Variants in ZNF385B observed in about 807,000 individuals in gnomAD.
ZNF385B encodes the protein zinc finger protein 385B, also known as zinc finger protein 533.
Under a neutral mutation model 39.2 loss-of-function variants are expected in ZNF385B, and 23 were observed. The observed-to-expected ratio is 0.59, with a 90% confidence interval of 0.42 to 0.83. The LOEUF is 0.83. ZNF385B is among the 40% of genes least tolerant of loss of function. The probability of loss-of-function intolerance (pLI) is 0.00; values close to 1 mark genes in which losing one functional copy is unlikely to be tolerated. For synonymous variants in ZNF385B, 205 were observed against 222.6 expected, an observed-to-expected ratio of 0.92 and a Z score of 0.70; for missense variants, 552 against 598.9, an observed-to-expected ratio of 0.92 and a Z score of 0.82.
intron 3 of ZNF385B, among the ~76,000 whole-genome samples, chr2:179,752,269 A>AT (rs1425807300): frequency 6.6e-6 from 1 of 152,142 alleles, no homozygotes. Flanking sequence ...TGAACTCATC[A>AT]TTTTTTATGG....
chr2:179,768,881 C>G (rs1275874271), intron 3 of ZNF385B, among the ~76,000 whole-genome samples: 10 of 152,180 alleles, frequency 6.6e-5, no homozygotes, highest in Admixed American at 5.9e-4. Flanking sequence ...CTGCTTCTAT[C>G]CAGCCCACAA....
intron 3 of ZNF385B, among the ~76,000 whole-genome samples, chr2:179,609,945 T>C (rs1248416450): frequency 6.6e-6 from 1 of 152,218 alleles, no homozygotes; most frequent in Non-Finnish European, 1.5e-5. Flanking sequence ...GAGTTCCATA[T>C]ATATTCTGGT....
Position 179,495,666 on chromosome 2 carries a change from C to T in ZNF385B, c.553-12232G>A, listed in dbSNP as rs181584031. Among the ~76,000 whole-genome samples the T allele has an allele frequency of 3.1e-3, 473 of 152,146 alleles. 4 individuals carry two copies. Among genetic ancestry groups the T allele is most frequent in the Middle Eastern group, 0.01 (3 of 294 alleles). Reference sequence around the variant, plus strand: ...TAGGTGGTTTAGAATGGAGAGAGACCCTATATGTTTGGGAGAAATTAAGGG... The same window carrying T: ...TAGGTGGTTTAGAATGGAGAGAGACTCTATATGTTTGGGAGAAATTAAGGG... On this transcript the variant is annotated intron_variant, in intron 5 of 9. Coordinates refer to ENST00000410066, the MANE Select transcript of ZNF385B (RefSeq NM_152520.6).
intron 3 of ZNF385B, among the ~76,000 whole-genome samples, chr2:179,664,539 A>G (rs1694906814): frequency 6.6e-6 from 1 of 152,212 alleles, no homozygotes; most frequent in African/African-American, 2.4e-5. Flanking sequence ...GAAGAGAAAA[A>G]TAAAGAACAA....
At chr2:179,464,232 T>C (rs2051711630) in intron 6 of ZNF385B, among the ~76,000 whole-genome samples, 3 of 152,258 alleles carry the variant, frequency 2.0e-5, no homozygotes, top group Admixed American at 2.0e-4. Flanking sequence ...AAATTCTTTG[T>C]AGATTCTGGA....
At chr2:179,492,589 T>G (rs549344709) in intron 5 of ZNF385B, among the ~76,000 whole-genome samples, 1 of 152,280 alleles carries the variant, frequency 6.6e-6, no homozygotes, top group South Asian at 2.1e-4. Flanking sequence ...AAAGTAACTT[T>G]GAAAGTTCAA....
rs543305235 is a variant in ZNF385B, at chr2:179,672,834, G to A, written c.298+96669C>T. 2.5e-3 allele frequency among the ~76,000 whole-genome samples: 378 copies of A among 152,258 alleles called. 1 individual carries two copies. The highest frequency in any genetic ancestry group is 4.0e-3 in the Non-Finnish European group (269 of 68,012). ...ATTTCTGTCGTTTATAAGCCACCAA[G>A]TTTAAGACATTTTTTTGTTATAGTA... is the stretch of plus-strand genomic sequence containing the variant. On this transcript the variant is annotated intron_variant, in intron 3 of 9. Transcript: ENST00000410066.
At chr2:179,660,833 C>T (rs1021789702) in intron 3 of ZNF385B, among the ~76,000 whole-genome samples, 7 of 152,110 alleles carry the variant, frequency 4.6e-5, no homozygotes, top group African/African-American at 1.7e-4. Flanking sequence ...GCACTAAAGC[C>T]AATGAGATGA....
intron 9 of ZNF385B, among the ~76,000 whole-genome samples, chr2:179,444,050 C>T (rs2049220378): frequency 6.6e-6 from 1 of 152,170 alleles, no homozygotes; most frequent in Non-Finnish European, 1.5e-5. Context: ...TGGGTAGAAA[C>T]TCTCTATTTA....
At chr2:179,782,299 A>C (rs1188697675) in intron 1 of ZNF385B, among the ~76,000 whole-genome samples, 4 of 152,186 alleles carry the variant, frequency 2.6e-5, no homozygotes, top group Non-Finnish European at 5.9e-5. Flanking sequence ...TCATGTTAAA[A>C]ACCTGCAATA....
At chr2:179,726,784 T>C (rs941100981) in intron 3 of ZNF385B, among the ~76,000 whole-genome samples, 1 of 152,084 alleles carries the variant, frequency 6.6e-6, no homozygotes, top group East Asian at 1.9e-4. Flanking sequence ...ATTTGTGCTT[T>C]ACACATCTAT....
intron 3 of ZNF385B, among the ~76,000 whole-genome samples, chr2:179,598,430 C>T (rs1688164945): frequency 6.6e-6 from 1 of 152,052 alleles, no homozygotes. Context: ...TTTCCTTGTT[C>T]TATATCCTCC....
At chr2:179,745,688 C>T (rs1268010418) in intron 3 of ZNF385B, 3 of 1,534,642 alleles carry the variant, frequency 2.0e-6, no homozygotes, top group African/African-American at 1.4e-5. Flanking sequence ...CCCCAGCATC[C>T]AAGTTTTAGA....
intron 3 of ZNF385B, among the ~76,000 whole-genome samples, chr2:179,761,539 AT>A (rs1703385918): frequency 6.6e-6 from 1 of 151,700 alleles, no homozygotes; most frequent in African/African-American, 2.4e-5. Context: ...TAAAATTTTG[AT>A]TTCCATATGT....
chr2:179,676,288 C>T (rs182290532), intron 3 of ZNF385B, among the ~76,000 whole-genome samples: 2,277 of 152,110 alleles, frequency 0.015, 65 homozygotes, highest in African/African-American at 0.05. Flanking sequence ...TGGGGTTTCA[C>T]CGTGTTAGCC....
rs2049519020 is a variant in ZNF385B, at chr2:179,446,677, G to A, written c.809C>T (p.Pro270Leu). ...GGAGGGAGAAGTGGCTGCTCCAGGT[G>A]GCAGGGGTGTTGTGCCAGATTTGAG... The part of the protein sequence containing the change: ...FLLKSGTTPL[P>L]PGAATSPSKS... The change falls in exon 7 of 10, where the codon CCA becomes CTA. Residue 270 changes from proline (P) to leucine (L), a missense_variant. Pro to Leu is a moderately conservative substitution (Grantham distance 98). Coordinates refer to ENST00000410066, the MANE Select transcript of ZNF385B (RefSeq NM_152520.6). 6.2e-7 allele frequency: 1 copy of A among 1,614,070 alleles called. No individual in the cohort carries two copies. Among genetic ancestry groups the A allele is most frequent in the South Asian group, 1.1e-5 (1 of 91,070 alleles).
chr2:179,809,886 T>A (rs751947570), intron 1 of ZNF385B, among the ~76,000 whole-genome samples: 1 of 152,020 alleles, frequency 6.6e-6, no homozygotes, highest in African/African-American at 2.4e-5. Flanking sequence ...AAAACAAATA[T>A]GTAAGCATGT....
intron 3 of ZNF385B, among the ~76,000 whole-genome samples, chr2:179,557,714 G>A (rs898071702): frequency 1.3e-5 from 2 of 150,952 alleles, no homozygotes; most frequent in Non-Finnish European, 2.9e-5. Flanking sequence ...TCATATACAT[G>A]TTTTTAAGTA....
chr2:179,787,409 C>A (rs1028697254), intron 1 of ZNF385B, among the ~76,000 whole-genome samples: 1 of 151,784 alleles, frequency 6.6e-6, no homozygotes, highest in South Asian at 2.1e-4. Context: ...AGTATAGAAG[C>A]CTTAAAACCA....
Sources: gnomAD v4.1 joint callset for allele counts (sites outside exome capture counted in the v4.1 genomes callset) on GRCh38, gnomAD v4.1.1 for gene constraint, MANE v1.5 for transcripts, NCBI Gene and HGNC (gene_info 2026-07-23, HGNC 2026-07-21) for gene names.